GNAI1: variants seen among roughly 807,000 people sequenced by gnomAD.
The protein encoded by GNAI1 is guanine nucleotide-binding protein G(i) subunit alpha-1.
A neutral mutation model predicts 38.9 loss-of-function variants in GNAI1; 11 were observed. That is an observed-to-expected ratio of 0.28 (90% CI 0.18 to 0.47). GNAI1 has a LOEUF of 0.47. Among genes scored for constraint, GNAI1 ranks in the 20% least tolerant of loss-of-function variants. The pLI, the probability that GNAI1 is intolerant of heterozygous loss-of-function variation, is 0.99. For missense variants in GNAI1, 317 were observed against 436.9 expected (o/e 0.73, Z 2.45); for synonymous variants, 166 against 145.1 (o/e 1.14, Z -1.04).
At chr7:80,137,382 C>T (rs1320351173) in intron 1 of GNAI1, among the ~76,000 whole-genome samples, 1 of 125,488 alleles carries the variant, frequency 8.0e-6, no homozygotes, top group Non-Finnish European at 1.6e-5. Context: ...GTGCAGTGGC[C>T]CGATCTCGGC....
At chr7:80,171,461 A>C (rs1788096917) in intron 1 of GNAI1, among the ~76,000 whole-genome samples, 1 of 152,178 alleles carries the variant, frequency 6.6e-6, no homozygotes, top group African/African-American at 2.4e-5. Flanking sequence ...ATTGATCTCC[A>C]CTGGACTTTG....
rs76098877 is a variant in GNAI1 at position 80,223,896 on chromosome 7, G to A, written c.*6403G>A. Among the ~76,000 whole-genome samples the A allele has an allele frequency of 0.015, 2,356 of 152,200 alleles. 57 individuals are homozygous for A. Among genetic ancestry groups the A allele is most frequent in the African/African-American group, 0.053 (2,210 of 41,512 alleles). On this transcript the variant is annotated 3_prime_UTR_variant, in exon 8 of 8. Coordinates refer to ENST00000649796, the MANE Select transcript of GNAI1 (RefSeq NM_002069.6). ...TAACTATGAATCTTCTTCTTCGAAA[G>A]GAATCTTGTCTAAATCTAATAAAGC...
chr7:80,142,683 G>T (rs1787547315), intron 1 of GNAI1, among the ~76,000 whole-genome samples: 2 of 152,148 alleles, frequency 1.3e-5, no homozygotes, highest in African/African-American at 4.8e-5. Flanking sequence ...GGAAAAATTG[G>T]TACATATTCT....
intron 1 of GNAI1, among the ~76,000 whole-genome samples, chr7:80,137,472 C>T (rs1171238745): frequency 2.0e-5 from 3 of 151,676 alleles, no homozygotes; most frequent in Non-Finnish European, 2.9e-5. Context: ...AGGTGCGTGC[C>T]ACCATGCTCG....
rs766487559 is a variant in GNAI1 at position 80,217,707 on chromosome 7, ACAG to A, written c.*215_*217del. The A allele has an allele frequency of 4.4e-5, 15 of 343,730 alleles. No individual in the cohort carries two copies. The South Asian group carries it at 1.7e-3, about 39-fold the overall frequency. 21.3% of individuals were successfully genotyped at this position (343,730 alleles called of 1,614,324 possible). A position where few individuals can be genotyped will look rare whatever the true frequency, so the allele number is the denominator to read the frequency against. ...TGGTCCTGCAGTGTGAAACTGAAGG[ACAG>A]TGTTAAAGCTGGGCTCTAGTATATT... On this transcript the variant is annotated 3_prime_UTR_variant, in exon 8 of 8. Coordinates refer to ENST00000649796, the MANE Select transcript of GNAI1 (RefSeq NM_002069.6).
At chr7:80,205,497 T>G (rs982523021) in intron 5 of GNAI1, among the ~76,000 whole-genome samples, 22 of 152,248 alleles carry the variant, frequency 1.4e-4, no homozygotes, top group African/African-American at 5.3e-4. Flanking sequence ...TATGATCTGT[T>G]TTTTAAGGAA....
chr7:80,143,227 A>G (rs1787557124), intron 1 of GNAI1, among the ~76,000 whole-genome samples: 1 of 152,210 alleles, frequency 6.6e-6, no homozygotes, highest in African/African-American at 2.4e-5. Flanking sequence ...CTACTTGGGG[A>G]AATACAATAT....
At chr7:80,146,743 T>C (rs1313586599) in intron 1 of GNAI1, among the ~76,000 whole-genome samples, 2 of 152,172 alleles carry the variant, frequency 1.3e-5, no homozygotes, top group Admixed American at 6.5e-5. Context: ...TTCTTTTCCA[T>C]TTATCCATTT....
In GNAI1 at chr7:80,135,292, G is replaced by T; in HGVS notation, c.118+14G>T. 1 of 1,417,194 alleles carries T rather than the reference G, an allele frequency of 7.1e-7. No individual in the cohort carries two copies. Among genetic ancestry groups the T allele is most frequent in the Non-Finnish European group, 9.3e-7 (1 of 1,075,512 alleles). The allele number at this position is 1,417,194 out of a possible 1,614,324, so 87.8% of individuals were successfully genotyped here. On this transcript the variant is annotated intron_variant, in intron 1 of 7. Coordinates refer to ENST00000649796, the MANE Select transcript of GNAI1 (RefSeq NM_002069.6). The stretch of plus-strand genomic sequence containing the variant: ...TGCTGCTGCTCGGTAAGGGCGGCCG[G>T]GTCGGGGCCCGGGGGTCGGCGGGGG...
chr7:80,215,263 G>A (rs1788940127), intron 7 of GNAI1, among the ~76,000 whole-genome samples: 1 of 152,216 alleles, frequency 6.6e-6, no homozygotes, highest in South Asian at 2.1e-4. Flanking sequence ...AGCTTTTAGG[G>A]TAATCTAGCT....
chr7:80,140,305 A>G (rs1035650834), intron 1 of GNAI1, among the ~76,000 whole-genome samples: 1 of 152,192 alleles, frequency 6.6e-6, no homozygotes, highest in Non-Finnish European at 1.5e-5. Flanking sequence ...TAATGCATAA[A>G]AAGTATGACT....
At chr7:80,142,234 C>G (rs541203080) in intron 1 of GNAI1, among the ~76,000 whole-genome samples, 95 of 152,202 alleles carry the variant, frequency 6.2e-4, no homozygotes, top group Middle Eastern at 3.4e-3. Flanking sequence ...TTATCTTCAT[C>G]AGTATCTTAT....
rs749446157 is a variant in GNAI1 at position 80,199,220 on chromosome 7, T to C, written c.304-5T>C. On this transcript the variant is annotated splice_region_variant and splice_polypyrimidine_tract_variant and intron_variant, in intron 3 of 7. Coordinates refer to ENST00000649796, the MANE Select transcript of GNAI1 (RefSeq NM_002069.6). Reference sequence around the variant, plus strand: ...TTACTTAAAAAATGTCCTTTGAATGTTCAGGATGATGCACGCCAACTCTTT... The same window carrying C: ...TTACTTAAAAAATGTCCTTTGAATGCTCAGGATGATGCACGCCAACTCTTT... 4 of 1,601,462 alleles carry C rather than the reference T, an allele frequency of 2.5e-6. No homozygotes were observed. Among genetic ancestry groups the C allele is most frequent in the Non-Finnish European group, 3.4e-6 (4 of 1,172,198 alleles).
chr7:80,162,353 CTT>C (rs1787939688), intron 1 of GNAI1, among the ~76,000 whole-genome samples: 1 of 152,140 alleles, frequency 6.6e-6, no homozygotes, highest in East Asian at 1.9e-4. Flanking sequence ...TTAGCCTGGT[CTT>C]TAAGGCATTT....
intron 1 of GNAI1, among the ~76,000 whole-genome samples, chr7:80,166,099 C>T (rs1023831618): frequency 6.6e-6 from 1 of 152,076 alleles, no homozygotes; most frequent in Non-Finnish European, 1.5e-5. Context: ...ATACAGAATC[C>T]TTAGCATAGT....
intron 1 of GNAI1, among the ~76,000 whole-genome samples, chr7:80,165,907 A>G (rs1788003680): frequency 6.6e-6 from 1 of 152,136 alleles, no homozygotes; most frequent in Non-Finnish European, 1.5e-5. Flanking sequence ...TGTTACTTTT[A>G]CTTCGTTGAG....
At chr7:80,177,111 A>G (rs1788196398) in intron 1 of GNAI1, among the ~76,000 whole-genome samples, 1 of 140,540 alleles carries the variant, frequency 7.1e-6, no homozygotes, top group Non-Finnish European at 1.5e-5. Context: ...GCTCACTGCA[A>G]GCTCCGCCTC....
At chr7:80,170,763 C>T (rs1235986548) in intron 1 of GNAI1, among the ~76,000 whole-genome samples, 1 of 152,128 alleles carries the variant, frequency 6.6e-6, no homozygotes, top group Non-Finnish European at 1.5e-5. Flanking sequence ...GATGCAGTCA[C>T]CTTCCACCAG....
intron 1 of GNAI1, among the ~76,000 whole-genome samples, chr7:80,147,698 A>G (rs1364162086): frequency 2.0e-5 from 3 of 152,156 alleles, no homozygotes; most frequent in Admixed American, 2.0e-4. Context: ...ATTGCTTTTA[A>G]AAGGGAATTC....
Sources: gnomAD v4.1 joint callset for allele counts (sites outside exome capture counted in the v4.1 genomes callset) on GRCh38, gnomAD v4.1.1 for gene constraint, MANE v1.5 for transcripts, NCBI Gene and HGNC (gene_info 2026-07-23, HGNC 2026-07-21) for gene names.